Variants in SLC8A3 observed in about 807,000 individuals in gnomAD.
The protein encoded by SLC8A3 is solute carrier family 8 member A3, also known as sodium/calcium exchanger 3.
A neutral mutation model predicts 65.4 loss-of-function variants in SLC8A3; 37 were observed. That is an observed-to-expected ratio of 0.57 (90% CI 0.44 to 0.74). The LOEUF is 0.74. SLC8A3 is among the 30% of genes least tolerant of loss of function. The pLI is 0.00. For synonymous variants in SLC8A3, 461 were observed against 444.5 expected (o/e 1.04, Z -0.47); for missense variants, 1,112 against 1,172.1 (o/e 0.95, Z 0.75).
At chr14:70,079,078 T>G (rs1370092988) in intron 2 of SLC8A3, among the ~76,000 whole-genome samples, 2 of 152,174 alleles carry the variant, frequency 1.3e-5, no homozygotes, top group Non-Finnish European at 2.9e-5. Context: ...AATTGTTTCC[T>G]TATTTGTCTT....
At chr14:70,113,407 G>A (rs532701161) in intron 2 of SLC8A3, among the ~76,000 whole-genome samples, 1 of 152,184 alleles carries the variant, frequency 6.6e-6, no homozygotes, top group South Asian at 2.1e-4. Flanking sequence ...AATCTTAAAG[G>A]ACTACTGTCA....
intron 5 of SLC8A3, among the ~76,000 whole-genome samples, chr14:70,049,631 T>TAA (rs113733392): frequency 3.5e-4 from 52 of 148,246 alleles, no homozygotes; most frequent in Non-Finnish European, 4.9e-4. Flanking sequence ...AATGTATAAT[T>TAA]AAAAAAAAAA....
rs1886541114 is a variant in SLC8A3, at chr14:70,044,524, G to T, written c.*1423C>A. The T allele has an allele frequency of 6.6e-6, 1 of 151,986 alleles. No homozygotes were observed. Among genetic ancestry groups the T allele is most frequent in the Non-Finnish European group, 1.5e-5 (1 of 68,024 alleles). 9.4% of individuals were successfully genotyped at this position (151,986 alleles called of 1,614,324 possible). A position where few individuals can be genotyped will look rare whatever the true frequency, so the allele number is the denominator to read the frequency against. On this transcript the variant is annotated 3_prime_UTR_variant, in exon 7 of 7. Coordinates refer to ENST00000356921, the MANE Select transcript of SLC8A3 (RefSeq NM_182932.3). Reference sequence around the variant, plus strand: ...GTCCTTCCCACATTCGTTGAGAAAAGGTCTGTAGGGCACGGAGATCTCTTT... The same window carrying T: ...GTCCTTCCCACATTCGTTGAGAAAATGTCTGTAGGGCACGGAGATCTCTTT...
At chr14:70,189,248 T>C (rs1883616121), upstream of SLC8A3, among the ~76,000 whole-genome samples, 1 of 151,936 alleles carries the variant, frequency 6.6e-6, no homozygotes, top group Non-Finnish European at 1.5e-5. Flanking sequence ...ACCCTAGTCG[T>C]TGGAGCCTGG....
chr14:70,068,500 C>T (rs1301978858), intron 2 of SLC8A3, among the ~76,000 whole-genome samples: 4 of 152,106 alleles, frequency 2.6e-5, no homozygotes, highest in African/African-American at 4.8e-5. Flanking sequence ...GCCTCAGCCT[C>T]TTGAGTAGCT....
chr14:70,080,219 G>A (rs1329580922), intron 2 of SLC8A3: 4 of 985,370 alleles, frequency 4.1e-6, no homozygotes, highest in Non-Finnish European at 4.8e-6. Context: ...ACTATATTTA[G>A]ATGCCTTAGC....
At chr14:70,114,428 A>G (rs1161776305) in intron 2 of SLC8A3, among the ~76,000 whole-genome samples, 1 of 152,206 alleles carries the variant, frequency 6.6e-6, no homozygotes, top group Non-Finnish European at 1.5e-5. Flanking sequence ...TACCTGCAAC[A>G]GTATTCAAAA....
At chr14:70,117,709 G>A (rs546044906) in intron 2 of SLC8A3, among the ~76,000 whole-genome samples, 1 of 152,184 alleles carries the variant, frequency 6.6e-6, no homozygotes, top group African/African-American at 2.4e-5. Context: ...GACTCACCCT[G>A]CACGTGCACC....
intron 2 of SLC8A3, among the ~76,000 whole-genome samples, chr14:70,144,710 C>T (rs1895818727): frequency 6.6e-6 from 1 of 152,010 alleles, no homozygotes; most frequent in South Asian, 2.1e-4. Flanking sequence ...CTTGGAGTGC[C>T]TCAGCTCATC....
intron 2 of SLC8A3, among the ~76,000 whole-genome samples, chr14:70,066,011 T>A (rs1240036668): frequency 6.6e-6 from 1 of 152,246 alleles, no homozygotes; most frequent in African/African-American, 2.4e-5. Context: ...ACATGTCATG[T>A]GACATAGCAT....
intron 6 of SLC8A3, chr14:70,048,382 A>T: frequency 1.8e-6 from 1 of 541,032 alleles, no homozygotes. Context: ...TTTGTGGTCT[A>T]CTCACATAAT....
intron 2 of SLC8A3, among the ~76,000 whole-genome samples, chr14:70,078,598 C>T (rs1367124544): frequency 6.6e-6 from 1 of 152,208 alleles, no homozygotes; most frequent in Non-Finnish European, 1.5e-5. Flanking sequence ...CCACTGATGG[C>T]TGGCTGACTT....
chr14:70,133,630 A>G (rs1343508981), intron 2 of SLC8A3, among the ~76,000 whole-genome samples: 4 of 152,152 alleles, frequency 2.6e-5, no homozygotes, highest in African/African-American at 9.7e-5. Context: ...GCCACCCTTG[A>G]TGGTTTTTCA....
At chr14:70,068,729 TTTTA>T (rs1349439680) in intron 2 of SLC8A3, among the ~76,000 whole-genome samples, 3 of 152,072 alleles carry the variant, frequency 2.0e-5, no homozygotes, top group Non-Finnish European at 2.9e-5. Context: ...GATATTATTA[TTTTA>T]TTTATTTATT....
chr14:70,076,567 G>A (rs1890537756), intron 2 of SLC8A3, among the ~76,000 whole-genome samples: 1 of 152,168 alleles, frequency 6.6e-6, no homozygotes, highest in South Asian at 2.1e-4. Flanking sequence ...GGGATGCTGA[G>A]GCACACACTT....
intron 2 of SLC8A3, among the ~76,000 whole-genome samples, chr14:70,148,688 ATAT>A (rs1034937195): frequency 2.6e-5 from 4 of 152,118 alleles, no homozygotes; most frequent in Admixed American, 2.0e-4. Flanking sequence ...AAAATTGCCG[ATAT>A]TATTATTATA....
chr14:70,078,172 G>A (rs1280281470), intron 2 of SLC8A3, among the ~76,000 whole-genome samples: 1 of 152,206 alleles, frequency 6.6e-6, no homozygotes, highest in African/African-American at 2.4e-5. Flanking sequence ...ACAGGAGATG[G>A]TGAAATTCTG....
chr14:70,068,825 C>T (rs892977933), intron 2 of SLC8A3, among the ~76,000 whole-genome samples: 3 of 152,188 alleles, frequency 2.0e-5, no homozygotes, highest in Admixed American at 1.3e-4. Context: ...CTCCCGGGCT[C>T]ATATAATCTT....
intron 2 of SLC8A3, among the ~76,000 whole-genome samples, chr14:70,072,308 A>G (rs1386726497): frequency 6.6e-6 from 1 of 152,226 alleles, no homozygotes; most frequent in African/African-American, 2.4e-5. Flanking sequence ...CCTAGGGTTC[A>G]GGATATGATC....
Sources: allele counts gnomAD v4.1 joint callset (sites outside exome capture counted in the v4.1 genomes callset), GRCh38; gene constraint gnomAD v4.1.1; transcripts MANE v1.5; gene names NCBI Gene and HGNC (gene_info 2026-07-23, HGNC 2026-07-21).